The following SLC16A6 variants were observed in gnomAD, a reference collection of about 807,000 sequenced individuals.
SLC16A6 encodes the protein solute carrier family 16 member 6, also known as monocarboxylate transporter 7.
SLC16A6 carries 15 observed loss-of-function variants against 33.8 expected under a neutral mutation model. The observed-to-expected ratio is 0.44, with a 90% CI of 0.30 to 0.68. The LOEUF is 0.68. Among genes scored for constraint, SLC16A6 ranks in the 30% least tolerant of loss-of-function variants. The pLI, the probability that SLC16A6 is intolerant of heterozygous loss-of-function variation, is 0.10. For synonymous variants in SLC16A6, 219 were observed against 248.4 expected, an observed-to-expected ratio of 0.88 and a Z score of 1.11; for missense variants, 451 against 661.5, an observed-to-expected ratio of 0.68 and a Z score of 3.49.
At position 68,268,452 on chromosome 17, in the gene SLC16A6, T is replaced by C. The variant is rs527659557; in HGVS notation, c.*644A>G. The C allele has an allele frequency of 6.6e-6, 1 of 152,488 alleles. No individual in the cohort carries two copies. Among genetic ancestry groups the C allele is most frequent in the South Asian group, 2.1e-4 (1 of 4,828 alleles). The allele number at this position is 152,488 out of a possible 1,614,324, so 9.4% of individuals were successfully genotyped here. On this transcript the variant is annotated 3_prime_UTR_variant, in exon 6 of 6. Transcript: ENST00000580666. ...TATATATATATATATATACTTAAAATTTGTTTATTAGTAAAATGTTTGGTC... is the reference window on the plus strand; with the variant it reads ...TATATATATATATATATACTTAAAACTTGTTTATTAGTAAAATGTTTGGTC...
At chr17:68,274,183 T>C (rs963512828) in intron 2 of SLC16A6, 113 bp from the exon 3 acceptor site, 23 of 1,195,368 alleles carry the variant, frequency 1.9e-5, no homozygotes, top group Non-Finnish European at 2.5e-5. Context: ...AATATAAATA[T>C]GGCCGAGCGC....
intron 2 of SLC16A6, chr17:68,274,510 G>A (rs1306902409): frequency 6.5e-6 from 1 of 153,054 alleles, no homozygotes; most frequent in African/African-American, 2.4e-5. Flanking sequence ...TGCAAAGTCA[G>A]TGCAGGAATT....
At chr17:68,277,982 G>C (rs996734299) in intron 2 of SLC16A6, 107 bp downstream of exon 2, 1 of 715,266 alleles carries the variant, frequency 1.4e-6, no homozygotes, top group African/African-American at 1.8e-5. Flanking sequence ...ACCAACAGGC[G>C]TATAAGGGAA....
intron 2 of SLC16A6, among the ~76,000 whole-genome samples, chr17:68,275,271 G>A (rs1280341961): frequency 2.0e-5 from 3 of 152,038 alleles, no homozygotes; most frequent in Non-Finnish European, 4.4e-5. Flanking sequence ...CTTGACAACA[G>A]TGACGTAAGT....
intron 1 of SLC16A6, among the ~76,000 whole-genome samples, chr17:68,288,918 C>T (rs1599571868): frequency 6.6e-6 from 1 of 152,152 alleles, no homozygotes; most frequent in East Asian, 1.9e-4. Flanking sequence ...TTACAAAACT[C>T]GACAATTCTG....
chr17:68,272,637 A>G lies in SLC16A6; in HGVS notation c.505+2T>C, dbSNP rs782738900. ...ATACTTAGGCTGTTGTAGTCCACCT[A>G]CCTGGTGCGAAAGCAAACACAGCGA... On this transcript the variant is annotated splice_donor_variant, in intron 4 of 5. Coordinates refer to ENST00000580666, the MANE Select transcript of SLC16A6 (RefSeq NM_004694.5). LOFTEE classifies it high-confidence loss of function. 1.2e-6 allele frequency: 2 copies of G among 1,613,784 alleles called. No individual in the cohort carries two copies. Among genetic ancestry groups the G allele is most frequent in the South Asian group, 1.1e-5 (1 of 91,076 alleles).
rs1047518 is a variant in SLC16A6, at chr17:68,267,615, A to G, written c.*1481T>C. The G allele has an allele frequency of 5.3e-5, 8 of 152,228 alleles. No homozygotes were observed. Among genetic ancestry groups the G allele is most frequent in the Non-Finnish European group, 1.2e-4 (8 of 68,038 alleles). The allele number at this position is 152,228 out of a possible 1,614,324, so 9.4% of individuals were successfully genotyped here. Reference sequence around the variant, plus strand: ...TAACGATGAATAAAGATGGAGCAGCAAGCATTGACCATCACCTGCAGGGTG... The same window carrying G: ...TAACGATGAATAAAGATGGAGCAGCGAGCATTGACCATCACCTGCAGGGTG... On this transcript the variant is annotated 3_prime_UTR_variant, in exon 6 of 6. Transcript: ENST00000580666.
rs1345128439 is a variant in SLC16A6, at chr17:68,281,657, G to GA, written c.-7-3331dup. On this transcript the variant is annotated intron_variant, in intron 1 of 5. Coordinates refer to ENST00000580666, the MANE Select transcript of SLC16A6 (RefSeq NM_004694.5). ...ACATACATATGGCCAACAAATATATGAAAAAATGCTCAACATCACAAATCA... is the reference window on the plus strand; with the variant it reads ...ACATACATATGGCCAACAAATATATGAAAAAAATGCTCAACATCACAAATCA... Among the ~76,000 whole-genome samples, 4 of 152,184 alleles carry GA rather than the reference G, an allele frequency of 2.6e-5. No homozygotes were observed. In the South Asian group the frequency reaches 6.2e-4, roughly 24 times the overall value.
chr17:68,288,153 C>A (rs1192275639), intron 1 of SLC16A6, among the ~76,000 whole-genome samples: 1 of 150,912 alleles, frequency 6.6e-6, no homozygotes, highest in Non-Finnish European at 1.5e-5. Flanking sequence ...CATGCCACCA[C>A]GCCCGGCTGA....
intron 1 of SLC16A6, among the ~76,000 whole-genome samples, chr17:68,284,963 T>G (rs996948145): frequency 2.0e-5 from 3 of 152,216 alleles, no homozygotes. Flanking sequence ...GTACACAGCT[T>G]GTATTTATTT....
At chr17:68,272,973 C>T (rs1298417894) in intron 3 of SLC16A6, among the ~76,000 whole-genome samples, 2 of 151,198 alleles carry the variant, frequency 1.3e-5, no homozygotes, top group African/African-American at 4.9e-5. Flanking sequence ...GTTTGGGATA[C>T]TAAAAATATA....
Position 68,269,005 on chromosome 17 carries a change from A to C in SLC16A6, c.*91T>G. 1 of 1,565,156 alleles carries C rather than the reference A, an allele frequency of 6.4e-7. No individual in the cohort carries two copies. The highest frequency in any genetic ancestry group is 1.9e-5 in the Admixed American group (1 of 52,696). On this transcript the variant is annotated 3_prime_UTR_variant, in exon 6 of 6. Coordinates refer to ENST00000580666, the MANE Select transcript of SLC16A6 (RefSeq NM_004694.5). Reference sequence around the variant, plus strand: ...AAATGTAGTTTTGAAAGTGGAGTAGAGGGGTTAGCTCCTCTGCCTCCTTGT... The same window carrying C: ...AAATGTAGTTTTGAAAGTGGAGTAGCGGGGTTAGCTCCTCTGCCTCCTTGT...
chr17:68,290,198 A>G (rs2075939056), intron 1 of SLC16A6, among the ~76,000 whole-genome samples: 1 of 152,188 alleles, frequency 6.6e-6, no homozygotes, highest in Admixed American at 6.5e-5. Flanking sequence ...TTCCAGGTTG[A>G]CAAGTTGTAA....
Position 68,271,630 on chromosome 17 carries a change from A to G in SLC16A6, c.530T>C (p.Ile177Thr), listed in dbSNP as rs781865429. 2.1e-5 allele frequency: 34 copies of G among 1,613,234 alleles called. No individual in the cohort carries two copies. Among genetic ancestry groups the G allele is most frequent in the Non-Finnish European group, 2.5e-5 (29 of 1,179,284 alleles). The part of the protein sequence containing the change: ...APAIMALKER[I>T]GWRYSLLFVG... ...GAAGAGGAGGCTGTATCTCCAGCCA[A>G]TGCGCTCCTTCAGAGCCATGATTGC... The change falls in exon 5 of 6, where the codon ATT (isoleucine) becomes ACT (threonine). Residue 177 changes from isoleucine (I) to threonine (T), a missense_variant. This residue lies in a region of SLC16A6 where 405 missense variants were observed against 510.7 expected (regional missense o/e 0.79). Coordinates refer to ENST00000580666, the MANE Select transcript of SLC16A6 (RefSeq NM_004694.5). The surrounding 1 kb of genome is among the most constrained non-coding windows in gnomAD (Gnocchi z 5.3).
chr17:68,289,731 G>A (rs527618392), intron 1 of SLC16A6, among the ~76,000 whole-genome samples: 1 of 152,286 alleles, frequency 6.6e-6, no homozygotes, highest in African/African-American at 2.4e-5. Flanking sequence ...ACAAGACTAT[G>A]GTGTTGAAAC....
Position 68,278,203 on chromosome 17 carries a change from C to T in SLC16A6, c.118G>A (p.Gly40Ser), listed in dbSNP as rs1381646484. The T allele has an allele frequency of 3.7e-6, 6 of 1,613,978 alleles. No individual in the cohort carries two copies. The highest frequency in any genetic ancestry group is 1.7e-5 in the Admixed American group (1 of 60,006). Residue 40 changes from glycine to serine, a missense_variant, in exon 2 of 6, where the codon GGC becomes AGC. Transcript: ENST00000580666. Reference protein sequence around the residue: ...SFFFVEVFTYGIIKTFGVFFN... With the variant: ...SFFFVEVFTYSIIKTFGVFFN... ...AAGACACCAAATGTCTTGATGATGC[C>T]GTAGGTGAAGACTTCAACGAAGAAA...
chr17:68,280,024 C>G (rs1355254755), intron 1 of SLC16A6, among the ~76,000 whole-genome samples: 1 of 151,510 alleles, frequency 6.6e-6, no homozygotes, highest in Non-Finnish European at 1.5e-5. Flanking sequence ...TCTACTAAAA[C>G]TACAAAAATT....
intron 1 of SLC16A6, among the ~76,000 whole-genome samples, chr17:68,279,750 CT>C (rs1488145282): frequency 6.6e-6 from 1 of 152,136 alleles, no homozygotes; most frequent in Non-Finnish European, 1.5e-5. Flanking sequence ...TGAATACTGT[CT>C]TTTTCAAAGC....
rs782071419 is a variant in SLC16A6, at chr17:68,288,556, T to C, written c.-8+2530A>G. ...TGCCCATCAACCCCTGCTTTACGGA[T>C]GATGGAATTTAGGCAAATCACTTCA... On this transcript the variant is annotated intron_variant, in intron 1 of 5. Coordinates refer to ENST00000580666, the MANE Select transcript of SLC16A6 (RefSeq NM_004694.5). Among the ~76,000 whole-genome samples the C allele has an allele frequency of 2.0e-4, 30 of 152,192 alleles. 1 individual carries two copies. Among genetic ancestry groups the C allele is most frequent in the Middle Eastern group, 6.3e-3 (2 of 316 alleles).
Sources: gnomAD v4.1 joint callset for allele counts (sites outside exome capture counted in the v4.1 genomes callset) on GRCh38, gnomAD v4.1.1 for gene constraint, gnomAD v4.1.1 regional missense constraint, Gnocchi (gnomAD v3.1) non-coding constraint, MANE v1.5 for transcripts, NCBI Gene and HGNC (gene_info 2026-07-23, HGNC 2026-07-21) for gene names.